Variants in IFI27 observed in about 807,000 individuals in gnomAD.
IFI27 encodes interferon alpha-inducible protein 27, mitochondrial.
IFI27 carries 3 observed loss-of-function variants against 8.9 expected under a neutral mutation model. The observed-to-expected ratio is 0.34, with a 90% CI of 0.15 to 0.87. The LOEUF is 0.87. Among genes scored for constraint, IFI27 ranks in the 40% least tolerant of loss-of-function variants. The pLI, the probability that IFI27 is intolerant of heterozygous loss-of-function variation, is 0.51. For synonymous variants in IFI27, 66 were observed against 67.3 expected (o/e 0.98, Z 0.09); for missense variants, 152 against 157.7 (o/e 0.96, Z 0.19).
At chr14:94,107,028 C>T (rs1887023282), upstream of IFI27, among the ~76,000 whole-genome samples, 1 of 152,014 alleles carries the variant, frequency 6.6e-6, no homozygotes, top group African/African-American at 2.4e-5. Flanking sequence ...GTGAAATGTC[C>T]ATTTAAGTCT....
Position 94,116,601 on chromosome 14 carries a change from G to T in IFI27, c.*74G>T. ...GCACCCAGCCATCCTGACCCAGCGA[G>T]GAGCCAACTATCCCAAATATACCTG... On this transcript the variant is annotated 3_prime_UTR_variant, in exon 5 of 5. Coordinates refer to ENST00000621160, the Ensembl canonical transcript of IFI27. The surrounding 1 kb of genome is among the most constrained non-coding windows in gnomAD (Gnocchi z 4.3). The T allele has an allele frequency of 9.0e-7, 1 of 1,117,004 alleles. No individual in the cohort carries two copies. 69.2% of individuals were successfully genotyped at this position (1,117,004 alleles called of 1,614,324 possible). A position where few individuals can be genotyped will look rare whatever the true frequency, so the allele number is the denominator to read the frequency against.
chr14:94,109,094 G>C (rs1887061458), upstream of IFI27, among the ~76,000 whole-genome samples: 1 of 151,988 alleles, frequency 6.6e-6, no homozygotes. Flanking sequence ...AGGAGTTTGA[G>C]ACCAGCCGGG....
upstream of IFI27, among the ~76,000 whole-genome samples, chr14:94,109,442 G>A (rs188834159): frequency 2.9e-3 from 398 of 138,818 alleles, 1 homozygote; most frequent in African/African-American, 0.01. Flanking sequence ...AAGAAAAAAA[G>A]TTTATTGGTG....
intron 2 of IFI27, among the ~76,000 whole-genome samples, chr14:94,112,593 G>A (rs1347894697): frequency 6.6e-6 from 1 of 152,200 alleles, no homozygotes. Context: ...AATGGCACAG[G>A]CTTGAATGGG....
upstream of IFI27, among the ~76,000 whole-genome samples, chr14:94,110,346 G>A (rs1160938254): frequency 1.3e-5 from 2 of 152,230 alleles, no homozygotes; most frequent in Non-Finnish European, 2.9e-5. Flanking sequence ...TGGGCCTTCA[G>A]TTGAGACTTT....
chr14:94,105,952 AGGCCGTTTGCACTGCTGTAAC>A (rs1351407209), upstream of IFI27: 1 of 152,200 alleles, frequency 6.6e-6, no homozygotes, highest in African/African-American at 2.4e-5. Flanking sequence ...CCGGTGTCTT[AGGCCGTTTGCACTGCTGTAAC>A]AAAATACCAT....
intron 3 of IFI27, 192 bp from the exon 4 acceptor site, chr14:94,115,589 T>C: frequency 1.6e-6 from 1 of 630,288 alleles, no homozygotes; most frequent in Non-Finnish European, 2.8e-6. Context: ...GTGACCCCAC[T>C]AGCTTTTCCC....
In IFI27 at chr14:94,116,502, C is replaced by T. The variant is rs771278257; in HGVS notation, c.344C>T (p.Ala115Val). 1.6e-5 allele frequency: 26 copies of T among 1,613,236 alleles called. 1 individual carries two copies. The South Asian group carries it at 1.9e-4, about 12-fold the overall frequency. Residue 115 changes from alanine to valine, a missense_variant, in exon 5 of 5, where the codon GCG (alanine) becomes GTG (valine). Physicochemically the swap from Ala to Val is moderately conservative, Grantham distance 64 (BLOSUM62 0). Coordinates refer to ENST00000621160, the Ensembl canonical transcript of IFI27. The surrounding 1 kb of genome is among the most constrained non-coding windows in gnomAD (Gnocchi z 4.3). ...CTGGGCTCCATTGGGTCTGCCATTG[C>T]GGCTGTCATTGCGAGGTTCTACTAG...
upstream of IFI27, among the ~76,000 whole-genome samples, chr14:94,107,681 G>A (rs1254251103): frequency 6.6e-6 from 1 of 151,968 alleles, no homozygotes; most frequent in African/African-American, 2.4e-5. Flanking sequence ...ATACTATTCT[G>A]ATGCTGGCTT....
chr14:94,115,215 A>G, intron 3 of IFI27: 1 of 623,928 alleles, frequency 1.6e-6, no homozygotes, highest in South Asian at 1.5e-5. Flanking sequence ...AAGGCTGGTA[A>G]TGCCCATTCA....
chr14:94,106,179 C>T (rs1482108962), upstream of IFI27, among the ~76,000 whole-genome samples: 2 of 152,132 alleles, frequency 1.3e-5, no homozygotes, highest in Non-Finnish European at 2.9e-5. Flanking sequence ...AGGCACTAAT[C>T]CCATTCATTA....
intron 3 of IFI27, 159 bp from the exon 4 acceptor site, chr14:94,115,622 G>A: frequency 1.4e-6 from 1 of 707,320 alleles, no homozygotes. Context: ...GCCTGGCTGT[G>A]CTCCCCTTGA....
rs1887333281 is a variant in IFI27 at position 94,114,924 on chromosome 14, G to A, written c.121+44G>A. ...GGCTCAAGTAACCACCTGCCCCTAGGGAGGTGGACTTGGGGAGCAGCTGGC... is the reference window on the plus strand; with the variant it reads ...GGCTCAAGTAACCACCTGCCCCTAGAGAGGTGGACTTGGGGAGCAGCTGGC... On this transcript the variant is annotated intron_variant, in intron 3 of 4. Transcript: ENST00000621160. 3.1e-6 allele frequency: 5 copies of A among 1,588,878 alleles called. No individual in the cohort carries two copies. In the Admixed American group the frequency reaches 6.7e-5, roughly 21 times the overall value.
chr14:94,114,890 T>C lies in IFI27; in HGVS notation c.121+10T>C. ...GTTGTGATTGGAGGAGGTGAGTCTG[T>C]GGGGAAGGGGCTCAAGTAACCACCT... On this transcript the variant is annotated intron_variant, in intron 3 of 4. Transcript: ENST00000621160. 1 of 1,613,950 alleles carries C rather than the reference T, an allele frequency of 6.2e-7. No individual in the cohort carries two copies. Among genetic ancestry groups the C allele is most frequent in the Non-Finnish European group, 8.5e-7 (1 of 1,179,858 alleles).
Position 94,116,015 on chromosome 14 carries a change from C to A in IFI27, c.283+73C>A. 1 of 1,389,590 alleles carries A rather than the reference C, an allele frequency of 7.2e-7. No individual in the cohort carries two copies. The highest frequency in any genetic ancestry group is 1.4e-5 in the African/African-American group (1 of 70,132). The allele number at this position is 1,389,590 out of a possible 1,614,324, so 86.1% of individuals were successfully genotyped here. The stretch of plus-strand genomic sequence containing the variant: ...GAGCCTCCAAGGACCCAGTCCCAAT[C>A]TCAACCCTATGAACCTCAATCTCCC... On this transcript the variant is annotated intron_variant, in intron 4 of 4. Transcript: ENST00000621160. The surrounding 1 kb of genome is among the most constrained non-coding windows in gnomAD (Gnocchi z 4.3).
Position 94,111,984 on chromosome 14 carries a change from G to A in IFI27, c.91+211G>A, listed in dbSNP as rs574728148. 6.5e-6 allele frequency: 4 copies of A among 614,742 alleles called. 1 individual carries two copies. The highest frequency in any genetic ancestry group is 5.5e-5 in the African/African-American group (3 of 54,658). 38.1% of individuals were successfully genotyped at this position (614,742 alleles called of 1,614,324 possible). ...TCTGGCCAGATGCCCAGCCCTGGGT[G>A]TTCCACAGGTCCTCTCCCCTCTGGG... On this transcript the variant is annotated intron_variant, in intron 2 of 4. Transcript: ENST00000621160. This position sits in a 1 kb window ranked among gnomAD's most constrained non-coding sequence, Gnocchi z 4.3.
chr14:94,111,515 G>A lies in IFI27; in HGVS notation c.-58-110G>A, dbSNP rs954338517. On this transcript the variant is annotated intron_variant, in intron 1 of 4. Transcript: ENST00000621160. The surrounding 1 kb of genome is among the most constrained non-coding windows in gnomAD (Gnocchi z 4.3). ...CCTTTCAAGGCCTGCTGCTCCACAAGCTCAGAGCAGCCTCCCTAGCCCCCT... is the reference window on the plus strand; with the variant it reads ...CCTTTCAAGGCCTGCTGCTCCACAAACTCAGAGCAGCCTCCCTAGCCCCCT... 1.6e-6 allele frequency: 1 copy of A among 626,016 alleles called. No individual in the cohort carries two copies. The highest frequency in any genetic ancestry group is 2.9e-6 in the Non-Finnish European group (1 of 345,008). 38.8% of individuals were successfully genotyped at this position (626,016 alleles called of 1,614,324 possible).
rs777706949 is a variant in IFI27 at position 94,116,491 on chromosome 14, G to A, written c.333G>A (p.Gly111=). The change falls in exon 5 of 5, where the codon GGG becomes GGA. Residue 111 remains glycine (G), a synonymous_variant. Transcript: ENST00000621160. This position sits in a 1 kb window ranked among gnomAD's most constrained non-coding sequence, Gnocchi z 4.3. ...CCAAGTTCATCCTGGGCTCCATTGG[G>A]TCTGCCATTGCGGCTGTCATTGCGA... 9.3e-6 allele frequency: 15 copies of A among 1,613,542 alleles called. No individual in the cohort carries two copies. The highest frequency in any genetic ancestry group is 1.3e-5 in the Non-Finnish European group (15 of 1,179,802).
upstream of IFI27, among the ~76,000 whole-genome samples, chr14:94,106,880 C>T (rs1887021318): frequency 6.7e-6 from 1 of 149,458 alleles, no homozygotes; most frequent in South Asian, 2.1e-4. Context: ...AGAGCTAACT[C>T]ATTACTGTGA....
Sources: gnomAD v4.1 joint callset for allele counts (sites outside exome capture counted in the v4.1 genomes callset) on GRCh38, gnomAD v4.1.1 for gene constraint, Gnocchi (gnomAD v3.1) non-coding constraint, MANE v1.5 for transcripts, NCBI Gene and HGNC (gene_info 2026-07-23, HGNC 2026-07-21) for gene names.